CDC5L: variants seen among roughly 807,000 people sequenced by gnomAD.
CDC5L encodes cell division cycle 5-like protein.
In CDC5L, 18 loss-of-function variants were observed where a neutral mutation model predicts 104.1. The observed-to-expected ratio is 0.17, with a 90% CI of 0.12 to 0.26. The LOEUF (loss-of-function observed/expected upper bound fraction) is 0.26, where lower values mean the gene tolerates loss of function less well. CDC5L is among the 10% of genes least tolerant of loss of function. The pLI is 1.00. For synonymous variants in CDC5L, 331 were observed against 322.7 expected (o/e 1.03, Z -0.28); for missense variants, 673 against 956.9 (o/e 0.70, Z 3.91).
chr6:44,412,143 G>A (rs1791670773), intron 8 of CDC5L, among the ~76,000 whole-genome samples: 1 of 152,154 alleles, frequency 6.6e-6, no homozygotes, highest in Non-Finnish European at 1.5e-5. Context: ...TCTGATAGAG[G>A]CTCTGTCAGT....
At chr6:44,429,977 A>T in intron 14 of CDC5L, 67 bp downstream of exon 14, 1 of 1,261,080 alleles carries the variant, frequency 7.9e-7, no homozygotes. Flanking sequence ...AAATAATGCC[A>T]CTGGAGACAA....
At chr6:44,408,376 A>T in intron 7 of CDC5L, 68 bp from the exon 8 acceptor site, 2 of 1,274,884 alleles carry the variant, frequency 1.6e-6, no homozygotes, top group Non-Finnish European at 2.2e-6. Flanking sequence ...TGTTGGGATT[A>T]CAAGTGTGAG....
intron 13 of CDC5L, among the ~76,000 whole-genome samples, chr6:44,428,686 ACCCAGG>A (rs1347559183): frequency 6.6e-6 from 1 of 152,148 alleles, no homozygotes; most frequent in Non-Finnish European, 1.5e-5. Context: ...TGTGATCTGA[ACCCAGG>A]CCTGTCCAGC....
intron 2 of CDC5L, among the ~76,000 whole-genome samples, chr6:44,391,507 C>T (rs982513511): frequency 1.3e-5 from 2 of 152,038 alleles, no homozygotes; most frequent in South Asian, 2.1e-4. Context: ...CTCGGCCTCC[C>T]AGAGTGCTGG....
intron 14 of CDC5L, among the ~76,000 whole-genome samples, chr6:44,440,642 C>T (rs1376894878): frequency 6.6e-6 from 1 of 151,754 alleles, no homozygotes; most frequent in Non-Finnish European, 1.5e-5. Flanking sequence ...GTGATTAAAT[C>T]AGCTAATTAA....
intron 3 of CDC5L, 54 bp downstream of exon 3, chr6:44,392,882 C>A: frequency 6.8e-7 from 1 of 1,473,724 alleles, no homozygotes; most frequent in Non-Finnish European, 9.3e-7. Context: ...CTGAAAGAGG[C>A]TGAATAAACT....
intron 8 of CDC5L, among the ~76,000 whole-genome samples, chr6:44,410,001 T>G (rs1176348921): frequency 6.6e-6 from 1 of 152,142 alleles, no homozygotes; most frequent in Non-Finnish European, 1.5e-5. Flanking sequence ...GATGTTTTGA[T>G]ATATGTATAC....
chr6:44,396,196 GC>G (rs1216369221), intron 4 of CDC5L, 144 bp from the exon 5 acceptor site: 32 of 406,372 alleles, frequency 7.9e-5, no homozygotes, highest in Non-Finnish European at 1.3e-4. Flanking sequence ...CAAAACTCAA[GC>G]TGTTTCCATT....
intron 13 of CDC5L, among the ~76,000 whole-genome samples, 174 bp from the exon 14 acceptor site, chr6:44,429,539 C>G (rs190685110): frequency 1.3e-5 from 2 of 152,232 alleles, no homozygotes; most frequent in Non-Finnish European, 2.9e-5. Flanking sequence ...TGCATTGACT[C>G]AAAGGCTTCT....
intron 3 of CDC5L, among the ~76,000 whole-genome samples, chr6:44,393,204 G>A (rs145436029): frequency 1.8e-5 from 2 of 108,518 alleles, no homozygotes; most frequent in East Asian, 5.5e-4. Flanking sequence ...TTGTATGGCT[G>A]TACCGCATTT....
In CDC5L at chr6:44,410,125, G is replaced by A. The variant is rs188332131; in HGVS notation, c.1092+1493G>A. ...CCTTAGCAATGTTCAAATGTACAGTGTACTGTTATTCACTATAATCACTGT... is the reference window on the plus strand; with the variant it reads ...CCTTAGCAATGTTCAAATGTACAGTATACTGTTATTCACTATAATCACTGT... On this transcript the variant is annotated intron_variant, in intron 8 of 15. Coordinates refer to ENST00000371477, the MANE Select transcript of CDC5L (RefSeq NM_001253.4). 4.7e-4 allele frequency among the ~76,000 whole-genome samples: 72 copies of A among 152,146 alleles called. No individual in the cohort carries two copies. In the East Asian group the frequency reaches 8.1e-3, roughly 17 times the overall value.
intron 13 of CDC5L, among the ~76,000 whole-genome samples, chr6:44,427,331 T>A (rs1485955202): frequency 1.3e-5 from 2 of 152,156 alleles, no homozygotes; most frequent in Non-Finnish European, 2.9e-5. Flanking sequence ...TCTCCATAAT[T>A]GTATAAGAAG....
intron 14 of CDC5L, among the ~76,000 whole-genome samples, chr6:44,438,904 A>G (rs1395913897): frequency 6.6e-6 from 1 of 152,122 alleles, no homozygotes; most frequent in Non-Finnish European, 1.5e-5. Flanking sequence ...AAGACAATTT[A>G]AAGTGTATAG....
rs777013926 is a variant in CDC5L at position 44,390,257 on chromosome 6, AT to A, written c.46-3del. On this transcript the variant is annotated splice_polypyrimidine_tract_variant and intron_variant, in intron 1 of 15. Coordinates refer to ENST00000371477, the MANE Select transcript of CDC5L (RefSeq NM_001253.4). ...TTGTGACTGAATGTACTCTTTGGCA[AT>A]TTTTTTTAGGATGAAATTCTGAAAG... is the stretch of plus-strand genomic sequence containing the variant. 2.6e-5 allele frequency: 41 copies of A among 1,591,460 alleles called. No homozygotes were observed. The highest frequency in any genetic ancestry group is 5.5e-5 in the South Asian group (5 of 90,226).
chr6:44,406,344 A>G lies in CDC5L; in HGVS notation c.780A>G (p.Arg260=), dbSNP rs756163041. 1.9e-6 allele frequency: 3 copies of G among 1,603,388 alleles called. No homozygotes were observed. The highest frequency in any genetic ancestry group is 1.7e-6 in the Non-Finnish European group (2 of 1,172,644). ...ACAGTGAAAAAGAAGGAAGAGATAGAAAAAAAGACAAACAGCATTTGAAAA... is the reference window on the plus strand; with the variant it reads ...ACAGTGAAAAAGAAGGAAGAGATAGGAAAAAAGACAAACAGCATTTGAAAA... ...ELRSEKEGRD[R]KKDKQHLKRK... is the part of the protein sequence containing the mutation. Residue 260 remains arginine, a synonymous_variant, in exon 7 of 16, where the codon AGA becomes AGG. Transcript: ENST00000371477.
Position 44,396,277 on chromosome 6 carries a change from C to T in CDC5L, c.440-64C>T, listed in dbSNP as rs11571933. 5.1e-4 allele frequency: 514 copies of T among 1,010,480 alleles called. 3 individuals carry two copies. The East Asian group carries it at 0.012, about 23-fold the overall frequency. The allele number at this position is 1,010,480 out of a possible 1,614,324, so 62.6% of individuals were successfully genotyped here. On this transcript the variant is annotated intron_variant, in intron 4 of 15. Coordinates refer to ENST00000371477, the MANE Select transcript of CDC5L (RefSeq NM_001253.4). ...TGAGCAATAGAGTGTCTCTTACATACCTTGCTTCTAGAGTATGTAAGAACT... is the reference window on the plus strand; with the variant it reads ...TGAGCAATAGAGTGTCTCTTACATATCTTGCTTCTAGAGTATGTAAGAACT...
At chr6:44,434,145 A>G (rs909892851) in intron 14 of CDC5L, among the ~76,000 whole-genome samples, 1 of 152,222 alleles carries the variant, frequency 6.6e-6, no homozygotes. Context: ...GCTGGAACAG[A>G]CATCCTGATA....
intron 5 of CDC5L, among the ~76,000 whole-genome samples, chr6:44,400,195 T>A (rs1327997386): frequency 1.3e-5 from 2 of 152,226 alleles, no homozygotes; most frequent in Non-Finnish European, 1.5e-5. Flanking sequence ...TAATCTGACA[T>A]CTGGTTGCAC....
intron 9 of CDC5L, 129 bp from the exon 10 acceptor site, chr6:44,422,518 A>G: frequency 1.5e-6 from 1 of 660,092 alleles, no homozygotes; most frequent in South Asian, 2.4e-5. Context: ...AACCAGCTGG[A>G]CAGAATTTTG....
Sources: allele counts gnomAD v4.1 joint callset (sites outside exome capture counted in the v4.1 genomes callset), GRCh38; gene constraint gnomAD v4.1.1; transcripts MANE v1.5; gene names NCBI Gene and HGNC (gene_info 2026-07-23, HGNC 2026-07-21).